AP1AR: variants seen among roughly 807,000 people sequenced by gnomAD.
AP1AR encodes the protein adaptor related protein complex 1 associated regulatory protein.
AP1AR carries 29 observed loss-of-function variants against 46.3 expected under a neutral mutation model. The observed-to-expected ratio is 0.63, with a 90% CI of 0.47 to 0.85. The LOEUF (loss-of-function observed/expected upper bound fraction) is 0.85. AP1AR is among the 40% of genes least tolerant of loss of function. The probability of loss-of-function intolerance (pLI) is 0.00; values close to 1 mark genes in which losing one functional copy is unlikely to be tolerated. For missense variants in AP1AR, 357 were observed against 356.3 expected, an observed-to-expected ratio of 1.00 and a Z score of -0.02; for synonymous variants, 122 against 122.9, an observed-to-expected ratio of 0.99 and a Z score of 0.05.
chr4:112,245,115 G>A (rs970070043), intron 1 of AP1AR, among the ~76,000 whole-genome samples: 1 of 152,068 alleles, frequency 6.6e-6, no homozygotes, highest in Admixed American at 6.5e-5. Flanking sequence ...ATTGAAAATA[G>A]TAGATCAGAT....
chr4:112,253,371 C>A lies in AP1AR; in HGVS notation c.132+115C>A, dbSNP rs1424391801. The stretch of plus-strand genomic sequence containing the variant: ...AATTTAGAATGGACTGTTTATATTT[C>A]AATATTATTCATGTTAGTGAAGATT... On this transcript the variant is annotated intron_variant, in intron 2 of 9. Coordinates refer to ENST00000274000, the MANE Select transcript of AP1AR (RefSeq NM_018569.6). The A allele has an allele frequency of 5.5e-6, 4 of 727,476 alleles. No individual in the cohort carries two copies. In the East Asian group the frequency reaches 8.2e-5, roughly 15 times the overall value. The allele number at this position is 727,476 out of a possible 1,614,324, so 45.1% of individuals were successfully genotyped here.
At chr4:112,259,549 T>G (rs1726350822) in intron 4 of AP1AR, among the ~76,000 whole-genome samples, 1 of 152,206 alleles carries the variant, frequency 6.6e-6, no homozygotes. Context: ...TATTATACAT[T>G]TAATTTCAGG....
intron 3 of AP1AR, among the ~76,000 whole-genome samples, chr4:112,255,120 C>T (rs1029077813): frequency 3.9e-5 from 6 of 152,072 alleles, no homozygotes; most frequent in South Asian, 4.2e-4. Flanking sequence ...CCACTACGCC[C>T]GGCTAATTTT....
In AP1AR at chr4:112,269,734, CCTT is replaced by C. The variant is rs891049707; in HGVS notation, c.*1326_*1328del. ...AGCAATGACATCTGTAGTTTTATCT[CCTT>C]TTTTATGTCATAGAAATTAATATGA... is the stretch of plus-strand genomic sequence containing the variant. On this transcript the variant is annotated 3_prime_UTR_variant, in exon 10 of 10. Transcript: ENST00000274000. The C allele has an allele frequency of 6.6e-6, 1 of 151,898 alleles. No individual in the cohort carries two copies. The highest frequency in any genetic ancestry group is 2.4e-5 in the African/African-American group (1 of 41,280). 9.4% of individuals were successfully genotyped at this position (151,898 alleles called of 1,614,324 possible). A position where few individuals can be genotyped will look rare whatever the true frequency, so the allele number is the denominator to read the frequency against.
chr4:112,248,176 A>G (rs1266865714), intron 1 of AP1AR, among the ~76,000 whole-genome samples: 1 of 152,210 alleles, frequency 6.6e-6, no homozygotes, highest in Non-Finnish European at 1.5e-5. Context: ...ATTTTGTAGG[A>G]CAAGTGACAC....
chr4:112,252,166 G>A (rs1725988197), intron 1 of AP1AR, among the ~76,000 whole-genome samples: 1 of 152,154 alleles, frequency 6.6e-6, no homozygotes, highest in Non-Finnish European at 1.5e-5. Context: ...TTGAGCCAAG[G>A]AGTGCAAAGC....
chr4:112,272,048 CTTTAG>C lies in AP1AR; in HGVS notation c.*3642_*3646del, dbSNP rs1034948908. On this transcript the variant is annotated 3_prime_UTR_variant, in exon 10 of 10. Transcript: ENST00000274000. ...AAATGCTTTGAAAAGAGGTCCGCTG[CTTTAG>C]TTGCATTTGGAGACAGTTACACAAA... Among the ~76,000 whole-genome samples, 2 of 152,088 alleles carry C rather than the reference CTTTAG, an allele frequency of 1.3e-5. No homozygotes were observed. Among genetic ancestry groups the C allele is most frequent in the Admixed American group, 1.3e-4 (2 of 15,266 alleles).
At chr4:112,248,676 T>G (rs1404220382) in intron 1 of AP1AR, among the ~76,000 whole-genome samples, 1 of 152,218 alleles carries the variant, frequency 6.6e-6, no homozygotes, top group Non-Finnish European at 1.5e-5. Flanking sequence ...GAGTGAATGC[T>G]AAAGACAAAA....
chr4:112,259,430 C>T lies in AP1AR; in HGVS notation c.186-1336C>T, dbSNP rs965340961. Among the ~76,000 whole-genome samples, 45 of 152,118 alleles carry T rather than the reference C, an allele frequency of 3.0e-4. 1 individual carries two copies. The highest frequency in any genetic ancestry group is 1.0e-3 in the African/African-American group (43 of 41,402). On this transcript the variant is annotated intron_variant, in intron 4 of 9. Coordinates refer to ENST00000274000, the MANE Select transcript of AP1AR (RefSeq NM_018569.6). ...TTTCACTTCCCTCATATGTATAATC[C>T]TTATATCTACCTTAGAGGGTTGTTG...
chr4:112,257,219 G>A (rs1260352387), intron 3 of AP1AR, among the ~76,000 whole-genome samples: 4 of 152,184 alleles, frequency 2.6e-5, no homozygotes, highest in Non-Finnish European at 5.9e-5. Context: ...TAGCATGAGA[G>A]CTGAAACAAG....
chr4:112,260,690 T>C (rs1166106128), intron 4 of AP1AR, 76 bp from the exon 5 acceptor site: 13 of 900,036 alleles, frequency 1.4e-5, no homozygotes, highest in Non-Finnish European at 1.9e-5. Flanking sequence ...CACTGGCTTT[T>C]TGAGTGTTTT....
chr4:112,251,376 A>G (rs1297082337), intron 1 of AP1AR, among the ~76,000 whole-genome samples: 10 of 152,252 alleles, frequency 6.6e-5, no homozygotes, highest in Non-Finnish European at 1.5e-4. Flanking sequence ...TTATCTATGT[A>G]TAATTAGACT....
At chr4:112,265,856 A>G (rs774173993) in intron 8 of AP1AR, 49 bp downstream of exon 8, 6 of 1,173,808 alleles carry the variant, frequency 5.1e-6, no homozygotes, top group Non-Finnish European at 7.4e-6. Context: ...CAGTAAACAG[A>G]TAAGTAGAGA....
chr4:112,247,456 C>G (rs1725773317), intron 1 of AP1AR, among the ~76,000 whole-genome samples: 1 of 152,162 alleles, frequency 6.6e-6, no homozygotes, highest in Non-Finnish European at 1.5e-5. Flanking sequence ...GTATGAATGT[C>G]AAGCTCAAGG....
intron 1 of AP1AR, among the ~76,000 whole-genome samples, chr4:112,244,292 A>G (rs1359330470): frequency 2.0e-5 from 3 of 152,184 alleles, no homozygotes; most frequent in Non-Finnish European, 4.4e-5. Context: ...GATTCCAGCA[A>G]TTTTAATGGA....
rs935900432 is a variant in AP1AR at position 112,238,962 on chromosome 4, C to T, written c.83+6788C>T. Among the ~76,000 whole-genome samples, 57 of 152,190 alleles carry T rather than the reference C, an allele frequency of 3.7e-4. 1 individual carries two copies. The highest frequency in any genetic ancestry group is 1.3e-3 in the African/African-American group (55 of 41,450). On this transcript the variant is annotated intron_variant, in intron 1 of 9. Coordinates refer to ENST00000274000, the MANE Select transcript of AP1AR (RefSeq NM_018569.6). ...ACCTTGTGAGTGGTATCTGTAGTCA[C>T]CTAAGCCATGAAACTAAGAACCATA...
At chr4:112,243,810 T>G (rs1180392666) in intron 1 of AP1AR, among the ~76,000 whole-genome samples, 6 of 152,196 alleles carry the variant, frequency 3.9e-5, no homozygotes, top group Admixed American at 3.9e-4. Context: ...TGGATATACC[T>G]AGGAGTAGAA....
intron 6 of AP1AR, among the ~76,000 whole-genome samples, chr4:112,264,159 A>C (rs532102368): frequency 5.9e-5 from 9 of 152,186 alleles, no homozygotes; most frequent in African/African-American, 1.7e-4. Context: ...TAAATAATGA[A>C]CAAGTTTTTA....
At chr4:112,266,884 AT>A in intron 9 of AP1AR, 168 bp downstream of exon 9, 1 of 557,010 alleles carries the variant, frequency 1.8e-6, no homozygotes, top group African/African-American at 2.0e-5. Flanking sequence ...GTTGATAAAA[AT>A]TTTTAGAAAA....
Sources: allele counts gnomAD v4.1 joint callset (sites outside exome capture counted in the v4.1 genomes callset), GRCh38; gene constraint gnomAD v4.1.1; transcripts MANE v1.5; gene names NCBI Gene and HGNC (gene_info 2026-07-23, HGNC 2026-07-21).